The following GLDN variants were observed in gnomAD, a reference collection of about 807,000 sequenced individuals.
The protein encoded by GLDN is collomin.
GLDN carries 47 observed loss-of-function variants against 56.5 expected under a neutral mutation model. The ratio of observed to expected loss-of-function variants is 0.83; its 90% confidence interval spans 0.66 to 1.06. The LOEUF (loss-of-function observed/expected upper bound fraction) is 1.06, where lower values mean the gene tolerates loss of function less well. Ranked by LOEUF, GLDN falls within the 50% of genes least tolerant of loss-of-function variation. The pLI is 0.00. For synonymous variants in GLDN, 332 were observed against 278.8 expected (o/e 1.19, Z -1.90); for missense variants, 782 against 714.3 (o/e 1.09, Z -1.08).
At chr15:51,370,955 A>C (rs1187331674) in intron 1 of GLDN, among the ~76,000 whole-genome samples, 1 of 152,192 alleles carries the variant, frequency 6.6e-6, no homozygotes, top group Non-Finnish European at 1.5e-5. Flanking sequence ...AGTTGGTGCC[A>C]CTGCATTCCA....
chr15:51,365,060 TTGGAGAATCAGCAGCC>T (rs1310763680), intron 1 of GLDN, among the ~76,000 whole-genome samples: 1 of 152,116 alleles, frequency 6.6e-6, no homozygotes, highest in Non-Finnish European at 1.5e-5. Context: ...GGCTCTAAAA[TTGGAGAATCAGCAGCC>T]TGGAATTAAG....
intron 1 of GLDN, among the ~76,000 whole-genome samples, chr15:51,374,174 A>T (rs1344994935): frequency 6.6e-6 from 1 of 152,198 alleles, no homozygotes; most frequent in African/African-American, 2.4e-5. Context: ...CAGAAGCTGC[A>T]CCTGCCCCAG....
intron 6 of GLDN, among the ~76,000 whole-genome samples, chr15:51,398,216 C>T (rs955034322): frequency 6.6e-6 from 1 of 152,252 alleles, no homozygotes; most frequent in African/African-American, 2.4e-5. Context: ...AGTCCCAGCT[C>T]TCAGGGCATC....
chr15:51,346,729 A>G (rs2036984951), intron 1 of GLDN, among the ~76,000 whole-genome samples: 2 of 152,232 alleles, frequency 1.3e-5, no homozygotes, highest in South Asian at 4.1e-4. Flanking sequence ...ATAGCAAACA[A>G]CAACAAAAAT....
intron 2 of GLDN, among the ~76,000 whole-genome samples, chr15:51,382,926 A>G (rs560776170): frequency 1.6e-4 from 24 of 152,168 alleles, no homozygotes; most frequent in African/African-American, 5.8e-4. Context: ...CTGGGCTCTC[A>G]ATTTTTCTCA....
At chr15:51,397,888 C>A (rs374965834) in intron 6 of GLDN, among the ~76,000 whole-genome samples, 9 of 152,166 alleles carry the variant, frequency 5.9e-5, no homozygotes, top group East Asian at 3.9e-4. Context: ...ATCCCTCCCC[C>A]CTGAAACAGT....
chr15:51,343,990 A>G (rs1327114706), intron 1 of GLDN, among the ~76,000 whole-genome samples: 1 of 152,166 alleles, frequency 6.6e-6, no homozygotes, highest in Non-Finnish European at 1.5e-5. Context: ...AGTCTCTAAC[A>G]CTGAGTCTTT....
chr15:51,412,062 C>T (rs2038470902), downstream of GLDN, among the ~76,000 whole-genome samples: 1 of 152,198 alleles, frequency 6.6e-6, no homozygotes, highest in Admixed American at 6.5e-5. Flanking sequence ...TGAGTGCTGA[C>T]CATGTGCCAG....
At chr15:51,355,739 G>T (rs1448876842) in intron 1 of GLDN, among the ~76,000 whole-genome samples, 1 of 149,308 alleles carries the variant, frequency 6.7e-6, no homozygotes, top group Non-Finnish European at 1.5e-5. Context: ...TAGCCGGGAT[G>T]GTCTTGATCT....
chr15:51,386,199 G>A (rs1040443805), intron 4 of GLDN, among the ~76,000 whole-genome samples: 5 of 152,250 alleles, frequency 3.3e-5, no homozygotes, highest in South Asian at 4.2e-4. Context: ...ATTAGACCGC[G>A]AAGCCTCCAC....
At chr15:51,392,825 C>A (rs1263063535) in intron 4 of GLDN, among the ~76,000 whole-genome samples, 1 of 147,708 alleles carries the variant, frequency 6.8e-6, no homozygotes, top group Non-Finnish European at 1.5e-5. Flanking sequence ...TTCTAGTAGC[C>A]TTTTTATAGA....
Position 51,407,181 on chromosome 15 carries a change from C to G in GLDN, c.*2427C>G, listed in dbSNP as rs2038401934. On this transcript the variant is annotated 3_prime_UTR_variant, in exon 10 of 10. Transcript: ENST00000335449. ...CTTTTTTCTTTTTTTTTTGCTATGA[C>G]AGAGTAATGCTAACGTAAGGACAAC... 1 of 151,510 alleles carries G rather than the reference C, an allele frequency of 6.6e-6. No homozygotes were observed. The highest frequency in any genetic ancestry group is 1.5e-5 in the Non-Finnish European group (1 of 67,948). 9.4% of individuals were successfully genotyped at this position (151,510 alleles called of 1,614,324 possible).
intron 1 of GLDN, 69 bp from the exon 2 acceptor site, chr15:51,377,380 G>A (rs755527291): frequency 2.8e-5 from 36 of 1,301,654 alleles, no homozygotes; most frequent in South Asian, 6.2e-5. Flanking sequence ...CTTTCTGCTC[G>A]TCTGAATAAA....
chr15:51,398,258 C>G (rs1595838793), intron 6 of GLDN, among the ~76,000 whole-genome samples: 1 of 152,252 alleles, frequency 6.6e-6, no homozygotes, highest in East Asian at 1.9e-4. Context: ...CACTTTGAGA[C>G]CTGACCCAAG....
At chr15:51,352,638 A>C (rs1393076322) in intron 1 of GLDN, among the ~76,000 whole-genome samples, 1 of 152,192 alleles carries the variant, frequency 6.6e-6, no homozygotes, top group Non-Finnish European at 1.5e-5. Context: ...TGACAACAAA[A>C]CAGAGTTCCC....
chr15:51,354,652 G>A (rs2037140334), intron 1 of GLDN, among the ~76,000 whole-genome samples: 1 of 152,212 alleles, frequency 6.6e-6, no homozygotes, highest in African/African-American at 2.4e-5. Flanking sequence ...AGAACAAGAA[G>A]CCAGACAGGC....
rs755479228 is a variant in GLDN at position 51,405,758 on chromosome 15, G to C, written c.*1004G>C. 2.6e-5 allele frequency: 4 copies of C among 152,230 alleles called. No individual in the cohort carries two copies. The highest frequency in any genetic ancestry group is 4.4e-5 in the Non-Finnish European group (3 of 68,046). The allele number at this position is 152,230 out of a possible 1,614,324, so 9.4% of individuals were successfully genotyped here. On this transcript the variant is annotated 3_prime_UTR_variant, in exon 10 of 10. Coordinates refer to ENST00000335449, the MANE Select transcript of GLDN (RefSeq NM_181789.4). ...GAAGCACTTTGCAGTGTTCAGAAGA[G>C]AGGCTCCATTTGTGGCTATTATGTA...
downstream of GLDN, among the ~76,000 whole-genome samples, chr15:51,412,725 T>C (rs1187953450): frequency 6.6e-6 from 1 of 152,208 alleles, no homozygotes; most frequent in African/African-American, 2.4e-5. Flanking sequence ...TGCCTTTTAA[T>C]TGAGATATTT....
intron 1 of GLDN, among the ~76,000 whole-genome samples, chr15:51,352,160 G>A (rs1045841265): frequency 1.7e-4 from 26 of 152,034 alleles, no homozygotes; most frequent in African/African-American, 6.3e-4. Context: ...GGTGTCTGGT[G>A]AGGGTCTGTT....
Sources: gnomAD v4.1 joint callset for allele counts (sites outside exome capture counted in the v4.1 genomes callset) on GRCh38, gnomAD v4.1.1 for gene constraint, MANE v1.5 for transcripts, NCBI Gene and HGNC (gene_info 2026-07-23, HGNC 2026-07-21) for gene names.